Variants in FRMPD4 observed in about 807,000 individuals in gnomAD.
FRMPD4 encodes FERM and PDZ domain containing 4.
FRMPD4 carries 22 observed loss-of-function variants against 94.1 expected under a neutral mutation model. The observed-to-expected ratio is 0.23, with a 90% CI of 0.17 to 0.33. The LOEUF (loss-of-function observed/expected upper bound fraction) is 0.33. FRMPD4 is among the 10% of genes least tolerant of loss of function. The pLI, the probability that FRMPD4 is intolerant of heterozygous loss-of-function variation, is 1.00. For missense variants in FRMPD4, 1,111 were observed against 1,339.9 expected (o/e 0.83, Z 2.67); for synonymous variants, 631 against 548.6 (o/e 1.15, Z -2.10).
chrX:12,471,535 G>A (rs745308789), intron 1 of FRMPD4, among the ~76,000 whole-genome samples: 2 of 111,576 alleles, frequency 1.8e-5, no homozygotes, highest in South Asian at 7.6e-4. Context: ...GTGTGAGCAC[G>A]GTTTGGAATT....
chrX:11,987,097 T>TGAA (rs1569137639), intron 3 of FRMPD4, among the ~76,000 whole-genome samples: 11 of 14,642 alleles, frequency 7.5e-4, no homozygotes, highest in Admixed American at 8.8e-4. Context: ...CAAAGACACA[T>TGAA]TAAAAAAAAA....
At chrX:12,142,399 A>G (rs1426303177) in intron 1 of FRMPD4, among the ~76,000 whole-genome samples, 1 of 111,601 alleles carries the variant, frequency 9.0e-6, no homozygotes, top group African/African-American at 3.3e-5. Flanking sequence ...AGAATTAAAT[A>G]TTTCCCAGGG....
At chrX:12,710,883 G>A (rs1295208119) in intron 14 of FRMPD4, among the ~76,000 whole-genome samples, 1 of 111,032 alleles carries the variant, frequency 9.0e-6, no homozygotes, top group Non-Finnish European at 1.9e-5. Flanking sequence ...TCCAATCTGG[G>A]TGACAGAGTG....
chrX:12,120,250 G>T (rs893962223), intron 3 of FRMPD4, among the ~76,000 whole-genome samples: 2 of 112,431 alleles, frequency 1.8e-5, no homozygotes, highest in African/African-American at 6.5e-5. Flanking sequence ...TTCAGTTAGA[G>T]AAATTAACGG....
At chrX:11,862,163 A>C (rs1446207389) in intron 1 of FRMPD4, among the ~76,000 whole-genome samples, 1 of 111,213 alleles carries the variant, frequency 9.0e-6, no homozygotes, top group Non-Finnish European at 1.9e-5. Flanking sequence ...GGGGGTTATA[A>C]TTTGACATGA....
intron 3 of FRMPD4, among the ~76,000 whole-genome samples, chrX:12,123,057 C>G (rs759113774): frequency 9.1e-6 from 1 of 109,902 alleles, no homozygotes; most frequent in Non-Finnish European, 1.9e-5. Context: ...CCCAGGTTTC[C>G]AACTCTTTCT....
chrX:11,887,437 T>C (rs1375120819), intron 3 of FRMPD4, among the ~76,000 whole-genome samples: 7 of 112,066 alleles, frequency 6.2e-5, no homozygotes, highest in Non-Finnish European at 1.3e-4. Flanking sequence ...CTGCACACCT[T>C]ATCTGCACAT....
chrX:12,659,736 A>T (rs1179619442), intron 4 of FRMPD4, among the ~76,000 whole-genome samples: 1 of 112,680 alleles, frequency 8.9e-6, no homozygotes, highest in Non-Finnish European at 1.9e-5. Context: ...GTGCAAAATA[A>T]TTTAACTATT....
At chrX:11,852,819 A>G (rs150133534) in intron 1 of FRMPD4, among the ~76,000 whole-genome samples, 2 of 111,872 alleles carry the variant, frequency 1.8e-5, no homozygotes, top group African/African-American at 6.5e-5. Flanking sequence ...GGGGACTTTA[A>G]CACCCCACTG....
intron 2 of FRMPD4, among the ~76,000 whole-genome samples, chrX:12,596,743 T>C (rs749189562): frequency 2.7e-5 from 3 of 111,235 alleles, no homozygotes; most frequent in Non-Finnish European, 5.7e-5. Flanking sequence ...ATACAAACTT[T>C]AGCTTACTGC....
At chrX:12,008,848 T>C (rs2054567162) in intron 3 of FRMPD4, among the ~76,000 whole-genome samples, 2 of 112,239 alleles carry the variant, frequency 1.8e-5, no homozygotes, top group South Asian at 7.5e-4. Context: ...TATTAATTTT[T>C]GCTTTTTTTT....
chrX:11,890,100 G>A (rs781499516), intron 3 of FRMPD4, among the ~76,000 whole-genome samples: 1 of 112,351 alleles, frequency 8.9e-6, no homozygotes, highest in Non-Finnish European at 1.9e-5. Context: ...ACTGTTGGCA[G>A]CCATTTTTGC....
chrX:12,277,102 C>T (rs1298550320), intron 1 of FRMPD4, among the ~76,000 whole-genome samples: 2 of 79,936 alleles, frequency 2.5e-5, no homozygotes, highest in African/African-American at 5.2e-5. Flanking sequence ...GCCTGGGCGA[C>T]AGAGCGAGAC....
exon 2 of FRMPD4, among the ~76,000 whole-genome samples, chrX:11,865,140 A>G (rs1046025785): frequency 6.2e-5 from 7 of 112,014 alleles, no homozygotes; most frequent in Non-Finnish European, 9.4e-5. Flanking sequence ...ACCTGAATGT[A>G]TCCCATAGAG....
intron 4 of FRMPD4, among the ~76,000 whole-genome samples, chrX:12,674,444 C>G (rs975465646): frequency 2.7e-5 from 3 of 112,103 alleles, no homozygotes; most frequent in Admixed American, 1.9e-4. Context: ...CTTCCCCTGA[C>G]AGAAAACTAC....
chrX:12,603,124 G>A lies in FRMPD4; in HGVS notation c.159-6597G>A, dbSNP rs144736980. ...GTCATCCCTGAAACCTAACACCAAC[G>A]ATGACCTCAAGCATACCTTAGGCAC... On this transcript the variant is annotated intron_variant, in intron 2 of 16. Coordinates refer to ENST00000675598, the MANE Select transcript of FRMPD4 (RefSeq NM_001368397.1). Among the ~76,000 whole-genome samples the A allele has an allele frequency of 5.8e-3, 650 of 111,598 alleles. 5 individuals carry two copies. The highest frequency in any genetic ancestry group is 0.021 in the African/African-American group (631 of 30,726).
At chrX:11,949,326 T>G (rs961182178) in intron 3 of FRMPD4, among the ~76,000 whole-genome samples, 3 of 112,283 alleles carry the variant, frequency 2.7e-5, no homozygotes, top group Non-Finnish European at 3.8e-5. Context: ...GTGCTTTTCT[T>G]ACTCACCTTT....
intron 2 of FRMPD4, among the ~76,000 whole-genome samples, chrX:11,871,713 A>C (rs1601815311): frequency 8.9e-6 from 1 of 112,011 alleles, no homozygotes; most frequent in East Asian, 2.8e-4. Context: ...GGCTTAGAAG[A>C]TGCAAAATGT....
intron 2 of FRMPD4, among the ~76,000 whole-genome samples, chrX:11,866,177 G>T (rs984159680): frequency 9.0e-6 from 1 of 111,528 alleles, no homozygotes; most frequent in African/African-American, 3.3e-5. Context: ...ATGGGATTTG[G>T]CTATCCTCTC....
Sources: gnomAD v4.1 joint callset for allele counts (sites outside exome capture counted in the v4.1 genomes callset) on GRCh38, gnomAD v4.1.1 for gene constraint, MANE v1.5 for transcripts, NCBI Gene and HGNC (gene_info 2026-07-23, HGNC 2026-07-21) for gene names.